Variants in EVC2 observed in about 807,000 individuals in gnomAD.
The protein encoded by EVC2 is limbin.
Under a neutral mutation model 149.3 loss-of-function variants are expected in EVC2, and 148 were observed. The observed-to-expected ratio is 0.99, with a 90% confidence interval of 0.87 to 1.14. The LOEUF (loss-of-function observed/expected upper bound fraction) is 1.14. Among genes scored for constraint, EVC2 ranks in the 50% most tolerant of loss-of-function variants. The probability of loss-of-function intolerance (pLI) is 0.00; values close to 1 mark genes in which losing one functional copy is unlikely to be tolerated. For missense variants in EVC2, 1,854 were observed against 1,627.3 expected (o/e 1.14, Z -2.40); for synonymous variants, 776 against 649.9 (o/e 1.19, Z -2.95).
At position 5,686,701 on chromosome 4, in the gene EVC2, C is replaced by A. The variant is rs577207160; in HGVS notation, c.707-1222G>T. Among the ~76,000 whole-genome samples, 4 of 151,744 alleles carry A rather than the reference C, an allele frequency of 2.6e-5. No homozygotes were observed. The highest frequency in any genetic ancestry group is 5.9e-5 in the Non-Finnish European group (4 of 67,972). ...CACTGGCTCTAATAAAAGAAAAGCA[C>A]CAAATAATAATGATGAGGTCAGAAT... On this transcript the variant is annotated intron_variant, in intron 5 of 21. Transcript: ENST00000344408. The surrounding 1 kb of genome is among the most constrained non-coding windows in gnomAD (Gnocchi z 5.4).
intron 16 of EVC2, among the ~76,000 whole-genome samples, chr4:5,609,457 G>A (rs1293208976): frequency 3.9e-5 from 6 of 152,202 alleles, no homozygotes; most frequent in Admixed American, 3.9e-4. Flanking sequence ...CTTGGCACCT[G>A]CCACAATGAA....
intron 13 of EVC2, among the ~76,000 whole-genome samples, 167 bp from the exon 14 acceptor site, chr4:5,623,158 T>C (rs1715847347): frequency 6.6e-6 from 1 of 152,150 alleles, no homozygotes; most frequent in South Asian, 2.1e-4. Flanking sequence ...TTTTTTGAGA[T>C]TGAATCTTGC....
At chr4:5,706,765 A>G (rs1325829916) in intron 1 of EVC2, among the ~76,000 whole-genome samples, 3 of 152,122 alleles carry the variant, frequency 2.0e-5, no homozygotes, top group African/African-American at 7.2e-5. Flanking sequence ...GGCTGGTCCC[A>G]TCAACAGCTG....
At chr4:5,608,969 G>A (rs933762532) in intron 16 of EVC2, among the ~76,000 whole-genome samples, 1 of 152,094 alleles carries the variant, frequency 6.6e-6, no homozygotes, top group African/African-American at 2.4e-5. Context: ...CCGGAGCTGG[G>A]ATATCCATCT....
intron 16 of EVC2, among the ~76,000 whole-genome samples, chr4:5,588,191 C>T (rs1418552986): frequency 6.6e-6 from 1 of 152,172 alleles, no homozygotes; most frequent in Non-Finnish European, 1.5e-5. Flanking sequence ...CAGTTTTCCT[C>T]ATTGTTTTGA....
intron 21 of EVC2, among the ~76,000 whole-genome samples, chr4:5,544,982 G>T (rs746200366): frequency 3.9e-5 from 6 of 152,160 alleles, no homozygotes; most frequent in Non-Finnish European, 5.9e-5. Flanking sequence ...AGCACATGCT[G>T]TTCCTTCTGC....
downstream of EVC2, among the ~76,000 whole-genome samples, chr4:5,561,637 T>C (rs1051011061): frequency 6.6e-6 from 1 of 152,196 alleles, no homozygotes; most frequent in African/African-American, 2.4e-5. Context: ...GGGACATCCA[T>C]GGCAGATAAG....
the EVC2 span, among the ~76,000 whole-genome samples, chr4:5,535,627 G>A: frequency 6.6e-6 from 1 of 150,938 alleles, no homozygotes; most frequent in Non-Finnish European, 1.5e-5. This position sits in a 1 kb window ranked among gnomAD's most constrained non-coding sequence, Gnocchi z 4.7. Context: ...GAGAGAGAGA[G>A]AGAGAGAAAG....
chr4:5,618,340 C>T lies in EVC2; in HGVS notation c.2706+138G>A. The T allele has an allele frequency of 1.1e-6, 1 of 951,212 alleles. No individual in the cohort carries two copies. The highest frequency in any genetic ancestry group is 1.7e-6 in the Non-Finnish European group (1 of 605,474). The allele number at this position is 951,212 out of a possible 1,614,324, so 58.9% of individuals were successfully genotyped here. ...TGGAGATTCCTGGAATAGCTGGACACCAATGCAGCCAGAGAGGAGAGGATA... is the reference window on the plus strand; with the variant it reads ...TGGAGATTCCTGGAATAGCTGGACATCAATGCAGCCAGAGAGGAGAGGATA... On this transcript the variant is annotated intron_variant, in intron 15 of 21. Coordinates refer to ENST00000344408, the MANE Select transcript of EVC2 (RefSeq NM_147127.5). The surrounding 1 kb of genome is among the most constrained non-coding windows in gnomAD (Gnocchi z 4.4).
chr4:5,559,431 T>G (rs1721897177), downstream of EVC2, among the ~76,000 whole-genome samples: 1 of 152,304 alleles, frequency 6.6e-6, no homozygotes, highest in South Asian at 2.1e-4. This position sits in a 1 kb window ranked among gnomAD's most constrained non-coding sequence, Gnocchi z 5.0. Context: ...CCAGTAGCAA[T>G]AAGCACAACT....
intron 1 of EVC2, among the ~76,000 whole-genome samples, chr4:5,706,483 A>ACATAATG (rs1274738074): frequency 8.9e-6 from 1 of 112,798 alleles, no homozygotes; most frequent in African/African-American, 3.4e-5. Flanking sequence ...CATAGATAAT[A>ACATAATG]TTGAATGAAT....
chr4:5,554,867 C>T (rs1721805743), intron 21 of EVC2, among the ~76,000 whole-genome samples: 1 of 152,040 alleles, frequency 6.6e-6, no homozygotes. Flanking sequence ...CTAAGAAAAA[C>T]AAAAAGTTAC....
At chr4:5,585,290 G>A (rs1364228875) in intron 16 of EVC2, among the ~76,000 whole-genome samples, 2 of 152,144 alleles carry the variant, frequency 1.3e-5, no homozygotes, top group Non-Finnish European at 2.9e-5. Flanking sequence ...CTTCCCAGCT[G>A]TGCGCTGTGC....
chr4:5,630,409 G>A (rs1464036723), intron 11 of EVC2, among the ~76,000 whole-genome samples: 1 of 152,116 alleles, frequency 6.6e-6, no homozygotes, highest in South Asian at 2.1e-4. Flanking sequence ...TTCATCTTTC[G>A]CCACTGTCTT....
At chr4:5,560,348 T>C (rs767712476), downstream of EVC2, among the ~76,000 whole-genome samples, 1 of 151,852 alleles carries the variant, frequency 6.6e-6, no homozygotes, top group Non-Finnish European at 1.5e-5. The surrounding 1 kb of genome is among the most constrained non-coding windows in gnomAD (Gnocchi z 4.1). Context: ...AGAAAAGAGG[T>C]TAAATTGACT....
chr4:5,541,781 T>C (rs1329575455), downstream of EVC2, among the ~76,000 whole-genome samples: 1 of 152,170 alleles, frequency 6.6e-6, no homozygotes, highest in African/African-American at 2.4e-5. Context: ...AATTCACCCG[T>C]TCATTCAACC....
chr4:5,642,481 C>A (rs1452125066), intron 9 of EVC2, among the ~76,000 whole-genome samples: 2 of 152,180 alleles, frequency 1.3e-5, no homozygotes, highest in African/African-American at 2.4e-5. Flanking sequence ...TGATAGACCA[C>A]CATTCAATGA....
At chr4:5,656,394 C>A (rs1373129939) in intron 9 of EVC2, among the ~76,000 whole-genome samples, 1 of 152,200 alleles carries the variant, frequency 6.6e-6, no homozygotes, top group Non-Finnish European at 1.5e-5. Context: ...TGAGATGTTG[C>A]GATCACTTCC....
chr4:5,560,193 T>G (rs1721911376), downstream of EVC2, among the ~76,000 whole-genome samples: 1 of 151,974 alleles, frequency 6.6e-6, no homozygotes, highest in Admixed American at 6.6e-5. The surrounding 1 kb of genome is among the most constrained non-coding windows in gnomAD (Gnocchi z 4.1). Context: ...CCAAGTTCCT[T>G]GGAGCTTCTC....
Sources: gnomAD v4.1 joint callset for allele counts (sites outside exome capture counted in the v4.1 genomes callset) on GRCh38, gnomAD v4.1.1 for gene constraint, Gnocchi (gnomAD v3.1) non-coding constraint, MANE v1.5 for transcripts, NCBI Gene and HGNC (gene_info 2026-07-23, HGNC 2026-07-21) for gene names.